BRINP1: variants seen among roughly 807,000 people sequenced by gnomAD.
The protein encoded by BRINP1 is BMP/retinoic acid inducible neural specific 1.
BRINP1 carries 17 observed loss-of-function variants against 72.9 expected under a neutral mutation model. That is an observed-to-expected ratio of 0.23 (90% confidence interval 0.16 to 0.35). The LOEUF (loss-of-function observed/expected upper bound fraction) is 0.35. Among genes scored for constraint, BRINP1 ranks in the 10% least tolerant of loss-of-function variants. BRINP1 has a pLI of 1.00. For missense variants in BRINP1, 850 were observed against 1,001.6 expected (o/e 0.85, Z 2.04); for synonymous variants, 418 against 378.5 (o/e 1.10, Z -1.21).
intron 2 of BRINP1, among the ~76,000 whole-genome samples, chr9:119,283,832 C>T (rs1338336022): frequency 6.6e-6 from 1 of 152,154 alleles, no homozygotes; most frequent in African/African-American, 2.4e-5. Flanking sequence ...TGCGCCTGGC[C>T]TCCTCTCAGA....
At chr9:119,233,593 G>T (rs1394137817) in intron 5 of BRINP1, among the ~76,000 whole-genome samples, 7 of 151,998 alleles carry the variant, frequency 4.6e-5, no homozygotes. Flanking sequence ...TTCTTTCTTT[G>T]CAGAGGATGT....
chr9:119,183,931 G>A (rs1829584651), intron 7 of BRINP1, among the ~76,000 whole-genome samples: 1 of 152,140 alleles, frequency 6.6e-6, no homozygotes, highest in South Asian at 2.1e-4. Context: ...AGGACGTGGA[G>A]GGTGGAGGTA....
intron 2 of BRINP1, among the ~76,000 whole-genome samples, chr9:119,250,749 C>G (rs574753431): frequency 6.6e-6 from 1 of 152,272 alleles, no homozygotes; most frequent in East Asian, 1.9e-4. Context: ...CAGTTCCCAC[C>G]AAAGATGCAG....
At chr9:119,248,231 G>A (rs1006224770) in intron 3 of BRINP1, among the ~76,000 whole-genome samples, 3 of 152,200 alleles carry the variant, frequency 2.0e-5, no homozygotes, top group African/African-American at 4.8e-5. Flanking sequence ...GTGGCACAGC[G>A]CTCTATCACT....
intron 1 of BRINP1, among the ~76,000 whole-genome samples, chr9:119,328,778 C>T (rs758823223): frequency 2.6e-5 from 4 of 152,122 alleles, no homozygotes; most frequent in Non-Finnish European, 5.9e-5. Flanking sequence ...AAAAATACTT[C>T]TCAGGGGAGC....
intron 1 of BRINP1, among the ~76,000 whole-genome samples, chr9:119,351,043 T>C (rs575642246): frequency 6.6e-6 from 1 of 152,248 alleles, no homozygotes; most frequent in African/African-American, 2.4e-5. Context: ...GTATTAGGTA[T>C]TTGTCCTAAT....
intron 2 of BRINP1, among the ~76,000 whole-genome samples, chr9:119,298,374 A>T (rs1357548271): frequency 2.6e-5 from 4 of 152,188 alleles, no homozygotes; most frequent in African/African-American, 9.6e-5. Context: ...ATTCCTCTTT[A>T]AGGAGAAGGA....
At chr9:119,257,251 AAT>A (rs1830454973) in intron 2 of BRINP1, among the ~76,000 whole-genome samples, 1 of 152,216 alleles carries the variant, frequency 6.6e-6, no homozygotes, top group African/African-American at 2.4e-5. Flanking sequence ...TAAAGAGATC[AAT>A]AGAGTTGATG....
chr9:119,309,662 G>A lies in BRINP1; in HGVS notation c.218+3476C>T, dbSNP rs781381651. Among the ~76,000 whole-genome samples, 38 of 152,224 alleles carry A rather than the reference G, an allele frequency of 2.5e-4. No homozygotes were observed. In the Middle Eastern group the frequency reaches 0.01, roughly 41 times the overall value. On this transcript the variant is annotated intron_variant, in intron 2 of 7. Coordinates refer to ENST00000265922, the MANE Select transcript of BRINP1 (RefSeq NM_014618.3). ...TGTATCTCATTGACCTAGTAGGTAGGGCAGACATCATTATCCCTTTCTACA... is the reference window on the plus strand; with the variant it reads ...TGTATCTCATTGACCTAGTAGGTAGAGCAGACATCATTATCCCTTTCTACA...
intron 2 of BRINP1, among the ~76,000 whole-genome samples, chr9:119,261,801 C>T (rs1023821414): frequency 4.0e-5 from 6 of 151,054 alleles, no homozygotes; most frequent in Non-Finnish European, 8.9e-5. Flanking sequence ...TCCCTCCCTT[C>T]CTTTCCTTTC....
intron 5 of BRINP1, among the ~76,000 whole-genome samples, chr9:119,231,467 A>G (rs1830148327): frequency 6.6e-6 from 1 of 152,142 alleles, no homozygotes; most frequent in African/African-American, 2.4e-5. Flanking sequence ...ATTAAAAAGA[A>G]AAGAAAAATA....
At chr9:119,345,363 C>G (rs1439765092) in intron 1 of BRINP1, among the ~76,000 whole-genome samples, 1 of 152,184 alleles carries the variant, frequency 6.6e-6, no homozygotes, top group Non-Finnish European at 1.5e-5. Context: ...CTGGATGTCT[C>G]TATGGAAAAG....
chr9:119,234,047 T>G (rs916513032), intron 5 of BRINP1, among the ~76,000 whole-genome samples: 1 of 152,212 alleles, frequency 6.6e-6, no homozygotes, highest in Non-Finnish European at 1.5e-5. Context: ...CATTTTCTTG[T>G]TGATGGACAT....
chr9:119,355,709 A>G (rs946291907), intron 1 of BRINP1, among the ~76,000 whole-genome samples: 5 of 149,578 alleles, frequency 3.3e-5, no homozygotes, highest in African/African-American at 5.0e-5. Context: ...AGCCTGGGCG[A>G]CAGAGCAAGA....
intron 7 of BRINP1, among the ~76,000 whole-genome samples, chr9:119,185,289 AC>A (rs1222966551): frequency 6.6e-6 from 1 of 152,208 alleles, no homozygotes; most frequent in East Asian, 1.9e-4. Flanking sequence ...CACCAAAAAA[AC>A]ATTAACAAGA....
intron 7 of BRINP1, among the ~76,000 whole-genome samples, chr9:119,184,016 T>C (rs754234389): frequency 4.6e-5 from 7 of 152,218 alleles, no homozygotes; most frequent in Non-Finnish European, 7.4e-5. Flanking sequence ...GACTTATGTC[T>C]ATTTTTGACT....
chr9:119,219,024 T>C (rs1282865210), intron 5 of BRINP1, among the ~76,000 whole-genome samples: 1 of 152,038 alleles, frequency 6.6e-6, no homozygotes, highest in Non-Finnish European at 1.5e-5. Flanking sequence ...AAGGAAGAGA[T>C]GGGAGAAGAG....
chr9:119,241,014 C>T (rs1345363821), intron 4 of BRINP1, among the ~76,000 whole-genome samples: 1 of 152,196 alleles, frequency 6.6e-6, no homozygotes, highest in Non-Finnish European at 1.5e-5. Context: ...CGAGGATGTC[C>T]TCCCACATTC....
intron 7 of BRINP1, among the ~76,000 whole-genome samples, chr9:119,180,908 G>T (rs1333569815): frequency 6.6e-6 from 1 of 152,170 alleles, no homozygotes; most frequent in Non-Finnish European, 1.5e-5. Flanking sequence ...GAAGATGGAA[G>T]AAGGAAGAAG....
Sources: gnomAD v4.1 joint callset for allele counts (sites outside exome capture counted in the v4.1 genomes callset) on GRCh38, gnomAD v4.1.1 for gene constraint, MANE v1.5 for transcripts, NCBI Gene and HGNC (gene_info 2026-07-23, HGNC 2026-07-21) for gene names.